TOP6BL: variants seen among roughly 807,000 people sequenced by gnomAD.
TOP6BL encodes TOP6B like initiator of meiotic double strand breaks, also known as type 2 DNA topoisomerase 6 subunit B-like.
the TOP6BL span, among the ~76,000 whole-genome samples, chr11:66,749,006 G>A: frequency 1.3e-5 from 2 of 151,936 alleles, no homozygotes; most frequent in Non-Finnish European, 2.9e-5. Flanking sequence ...GCAGTGAGTG[G>A]CTCTGAAGCA....
At chr11:66,822,047 T>C in the TOP6BL span, among the ~76,000 whole-genome samples, 3 of 152,378 alleles carry the variant, frequency 2.0e-5, no homozygotes, top group South Asian at 6.2e-4. Flanking sequence ...CTCTTCCTTA[T>C]GCATATAATT....
At chr11:66,841,771 C>A in the TOP6BL span, among the ~76,000 whole-genome samples, 1 of 152,182 alleles carries the variant, frequency 6.6e-6, no homozygotes, top group Non-Finnish European at 1.5e-5. Flanking sequence ...CACTGCACTC[C>A]AGCCTAGGTG....
the TOP6BL span, among the ~76,000 whole-genome samples, chr11:66,785,717 G>A: frequency 6.6e-6 from 1 of 152,166 alleles, no homozygotes; most frequent in Non-Finnish European, 1.5e-5. Flanking sequence ...CAGTGAGGCT[G>A]CTGCCAGAAT....
the TOP6BL span, chr11:66,788,169 C>T: frequency 1.9e-6 from 3 of 1,612,290 alleles, no homozygotes; most frequent in Non-Finnish European, 2.5e-6. Context: ...GAAATACAGT[C>T]CATACTGCCC....
At chr11:66,768,991 T>A in the TOP6BL span, among the ~76,000 whole-genome samples, 2 of 152,206 alleles carry the variant, frequency 1.3e-5, no homozygotes, top group East Asian at 3.8e-4. Flanking sequence ...ATGCTTGAAC[T>A]GTTACAATTC....
chr11:66,805,516 C>T, the TOP6BL span, among the ~76,000 whole-genome samples: 17 of 151,506 alleles, frequency 1.1e-4, no homozygotes, highest in South Asian at 2.1e-4. Context: ...GGCCAGAGTG[C>T]GGTGACACAA....
the TOP6BL span, chr11:66,843,446 T>G: frequency 1.4e-6 from 2 of 1,400,628 alleles, no homozygotes; most frequent in Non-Finnish European, 1.8e-6. Context: ...GCGCCGCGGG[T>G]CAGGGCGCAA....
the TOP6BL span, among the ~76,000 whole-genome samples, chr11:66,814,812 G>T: frequency 1.3e-5 from 2 of 152,176 alleles, no homozygotes. Flanking sequence ...AATGCAAGAT[G>T]TAATAGTATT....
At chr11:66,839,616 T>A in the TOP6BL span, among the ~76,000 whole-genome samples, 1 of 152,206 alleles carries the variant, frequency 6.6e-6, no homozygotes, top group Non-Finnish European at 1.5e-5. Flanking sequence ...TGAACCATGT[T>A]TTAAATGTTG....
chr11:66,810,712 C>A, the TOP6BL span, among the ~76,000 whole-genome samples: 5 of 152,164 alleles, frequency 3.3e-5, no homozygotes, highest in African/African-American at 1.2e-4. Flanking sequence ...GGTATTTAAC[C>A]CTTTATCTGT....
chr11:66,815,134 A>G, the TOP6BL span, among the ~76,000 whole-genome samples: 1 of 152,182 alleles, frequency 6.6e-6, no homozygotes. Flanking sequence ...CTTAGAGGGA[A>G]TGATAGACTC....
At chr11:66,840,634 C>T in the TOP6BL span, among the ~76,000 whole-genome samples, 3 of 152,208 alleles carry the variant, frequency 2.0e-5, no homozygotes, top group East Asian at 1.9e-4. Flanking sequence ...CTTTCTTCCT[C>T]TCATTCTCTC....
chr11:66,773,884 C>T, the TOP6BL span, among the ~76,000 whole-genome samples: 1 of 151,916 alleles, frequency 6.6e-6, no homozygotes, highest in Non-Finnish European at 1.5e-5. Context: ...TTACAGGCCC[C>T]CACCACCAAG....
the TOP6BL span, chr11:66,813,732 CAAAA>C: frequency 1.7e-4 from 109 of 632,196 alleles, no homozygotes; most frequent in South Asian, 6.3e-4. Context: ...GACTCCATCT[CAAAA>C]AAAAAAAAAA....
chr11:66,834,893 C>T, the TOP6BL span, among the ~76,000 whole-genome samples: 1 of 151,966 alleles, frequency 6.6e-6, no homozygotes, highest in African/African-American at 2.4e-5. Flanking sequence ...GACAGTGGGC[C>T]AGGAAGGAGT....
the TOP6BL span, among the ~76,000 whole-genome samples, chr11:66,772,128 G>T: frequency 6.6e-6 from 1 of 152,130 alleles, no homozygotes; most frequent in African/African-American, 2.4e-5. Flanking sequence ...TGACTTTGAG[G>T]GGTTCAGTAC....
the TOP6BL span, among the ~76,000 whole-genome samples, chr11:66,753,448 C>T: frequency 2.7e-5 from 4 of 150,710 alleles, no homozygotes; most frequent in Admixed American, 6.6e-5. Context: ...ACTCTGTCAC[C>T]CAGGCTGGAG....
the TOP6BL span, among the ~76,000 whole-genome samples, chr11:66,755,160 C>T: frequency 3.2e-4 from 48 of 150,340 alleles, no homozygotes; most frequent in South Asian, 9.4e-3. Flanking sequence ...CACTCTGTTG[C>T]CCAGGCTGGA....
chr11:66,763,609 C>T, the TOP6BL span, among the ~76,000 whole-genome samples: 1 of 151,858 alleles, frequency 6.6e-6, no homozygotes, highest in African/African-American at 2.4e-5. Flanking sequence ...TGCACCTGTC[C>T]TATTATTATT....
Sources: gnomAD v4.1 joint callset for allele counts (sites outside exome capture counted in the v4.1 genomes callset) on GRCh38, gnomAD v4.1.1 for gene constraint, MANE v1.5 for transcripts, NCBI Gene and HGNC (gene_info 2026-07-23, HGNC 2026-07-21) for gene names.